Variants in PRUNE2 observed in about 807,000 individuals in gnomAD.
The protein encoded by PRUNE2 is protein prune homolog 2.
Under a neutral mutation model 252.0 loss-of-function variants are expected in PRUNE2, and 164 were observed. The observed-to-expected ratio is 0.65, with a 90% CI of 0.57 to 0.74. The LOEUF is 0.74. Among genes scored for constraint, PRUNE2 ranks in the 30% least tolerant of loss-of-function variants. The pLI, the probability that PRUNE2 is intolerant of heterozygous loss-of-function variation, is 0.00. For synonymous variants in PRUNE2, 1,292 were observed against 1,350.2 expected, an observed-to-expected ratio of 0.96 and a Z score of 0.94; for missense variants, 3,495 against 3,711.0, an observed-to-expected ratio of 0.94 and a Z score of 1.51.
chr9:76,707,437 T>G lies in PRUNE2; in HGVS notation c.4837A>C (p.Ser1613Arg). Residue 1613 changes from serine (S) to arginine (R), a missense_variant, in exon 8 of 19, where the codon AGC (serine) becomes CGC (arginine). Ser to Arg is a moderately radical substitution (Grantham distance 110, BLOSUM62 -1). Coordinates refer to ENST00000376718, the MANE Select transcript of PRUNE2 (RefSeq NM_015225.3). ...AATGTAGGAGTTTTGCGATCAAAGC[T>G]CTTTTCAAACTCATTTATTCTGTTT... The part of the protein sequence containing the change: ...EKNRINEFEK[S>R]FDRKTPTFLE... 6.2e-7 allele frequency: 1 copy of G among 1,613,962 alleles called. No individual in the cohort carries two copies. The highest frequency in any genetic ancestry group is 8.5e-7 in the Non-Finnish European group (1 of 1,179,874).
At chr9:76,835,006 T>C (rs2058879278) in intron 4 of PRUNE2, among the ~76,000 whole-genome samples, 1 of 152,178 alleles carries the variant, frequency 6.6e-6, no homozygotes, top group Non-Finnish European at 1.5e-5. Flanking sequence ...CCCCAAAGTA[T>C]CTTAGCTATT....
Position 76,850,440 on chromosome 9 carries a change from C to T in PRUNE2, c.344+23G>A, listed in dbSNP as rs566269988. ...GAACCTTCATTGAGGGATTAAACCTCAGAGCTTCACAGTGGATCTTACCTC... is the reference window on the plus strand; with the variant it reads ...GAACCTTCATTGAGGGATTAAACCTTAGAGCTTCACAGTGGATCTTACCTC... On this transcript the variant is annotated intron_variant, in intron 3 of 18. Transcript: ENST00000376718. 9 of 1,593,662 alleles carry T rather than the reference C, an allele frequency of 5.6e-6. No homozygotes were observed. In the African/African-American group the frequency reaches 9.4e-5, roughly 17 times the overall value.
intron 9 of PRUNE2, among the ~76,000 whole-genome samples, chr9:76,672,734 T>C: frequency 7.1e-6 from 1 of 140,842 alleles, no homozygotes; most frequent in Non-Finnish European, 1.5e-5. Flanking sequence ...AAACTAGAAC[T>C]CAGGATTAAG....
intron 9 of PRUNE2, chr9:76,687,566 C>A (rs1190560690): frequency 1.2e-5 from 4 of 339,932 alleles, no homozygotes; most frequent in Non-Finnish European, 2.4e-5. Context: ...AGTAATCTGC[C>A]TAGGGTTTCC....
At chr9:76,790,138 C>T (rs529422603) in intron 6 of PRUNE2, among the ~76,000 whole-genome samples, 1 of 152,212 alleles carries the variant, frequency 6.6e-6, no homozygotes, top group South Asian at 2.1e-4. Flanking sequence ...TCCTCTGAAC[C>T]CTCCAGGCTG....
At chr9:76,901,960 G>A (rs1232098045) in intron 1 of PRUNE2, among the ~76,000 whole-genome samples, 1 of 152,118 alleles carries the variant, frequency 6.6e-6, no homozygotes, top group Non-Finnish European at 1.5e-5. Context: ...ACCCAAGGCT[G>A]GCTCCTGACC....
intron 2 of PRUNE2, among the ~76,000 whole-genome samples, chr9:76,851,348 C>T (rs2059945486): frequency 6.6e-6 from 1 of 152,158 alleles, no homozygotes; most frequent in African/African-American, 2.4e-5. Flanking sequence ...GAGATCGAGA[C>T]CATCCTGGCT....
At chr9:76,762,614 C>T (rs1002055804) in intron 6 of PRUNE2, among the ~76,000 whole-genome samples, 1 of 152,162 alleles carries the variant, frequency 6.6e-6, no homozygotes, top group African/African-American at 2.4e-5. Flanking sequence ...TCCAAACTCT[C>T]CACGTTTCTT....
chr9:76,886,937 A>G (rs539432389), intron 1 of PRUNE2, among the ~76,000 whole-genome samples: 4 of 152,308 alleles, frequency 2.6e-5, no homozygotes, highest in African/African-American at 9.6e-5. Context: ...AGTAGTAGAA[A>G]TCATCCTCAT....
At chr9:76,691,848 A>T (rs1392311200) in intron 9 of PRUNE2, 2 of 533,244 alleles carry the variant, frequency 3.8e-6, no homozygotes, top group Non-Finnish European at 6.6e-6. Context: ...GGGCGGGGAC[A>T]GCATAACGAC....
intron 6 of PRUNE2, among the ~76,000 whole-genome samples, chr9:76,753,700 G>A (rs2050834910): frequency 6.6e-6 from 1 of 152,062 alleles, no homozygotes; most frequent in Non-Finnish European, 1.5e-5. Flanking sequence ...AGATCACGAG[G>A]TCAGGAGATC....
chr9:76,660,183 A>C, intron 9 of PRUNE2, among the ~76,000 whole-genome samples: 1 of 152,156 alleles, frequency 6.6e-6, no homozygotes, highest in Non-Finnish European at 1.5e-5. Flanking sequence ...TGGACACAGG[A>C]CTTAGGGTCT....
intron 6 of PRUNE2, among the ~76,000 whole-genome samples, chr9:76,748,375 G>A (rs746404232): frequency 3.3e-5 from 5 of 152,164 alleles, no homozygotes; most frequent in African/African-American, 4.8e-5. Context: ...GAGACTGGCC[G>A]GAAAGACAAC....
At chr9:76,624,317 T>G in intron 17 of PRUNE2, 135 bp downstream of exon 17, 1 of 509,488 alleles carries the variant, frequency 2.0e-6, no homozygotes, top group Non-Finnish European at 3.3e-6. Flanking sequence ...ACATCTATCA[T>G]AGGAGAAAGA....
chr9:76,627,083 A>G (rs1835119323), intron 16 of PRUNE2, among the ~76,000 whole-genome samples: 1 of 142,106 alleles, frequency 7.0e-6, no homozygotes. Flanking sequence ...GAGTGTTTCC[A>G]TACTTCTTCA....
At chr9:76,660,018 C>T (rs1850673522) in intron 9 of PRUNE2, among the ~76,000 whole-genome samples, 2 of 151,898 alleles carry the variant, frequency 1.3e-5, no homozygotes, top group Admixed American at 1.3e-4. Context: ...AGCCATGTAT[C>T]ATTAAAAATA....
intron 6 of PRUNE2, among the ~76,000 whole-genome samples, chr9:76,726,819 A>G (rs1045282126): frequency 6.6e-6 from 1 of 152,218 alleles, no homozygotes. Flanking sequence ...TATTAGTACC[A>G]TCTATGAGGC....
Position 76,802,478 on chromosome 9 carries a change from C to T in PRUNE2, c.756+21154G>A, listed in dbSNP as rs1333638789. Among the ~76,000 whole-genome samples the T allele has an allele frequency of 3.3e-5, 5 of 152,094 alleles. No homozygotes were observed. The South Asian group carries it at 6.2e-4, about 19-fold the overall frequency. ...TACCCTAACTTCTCACAACAGGCAG[C>T]GGAAAAATATCTCTGAACAGCATTG... On this transcript the variant is annotated intron_variant, in intron 6 of 18. Transcript: ENST00000376718.
intron 6 of PRUNE2, among the ~76,000 whole-genome samples, chr9:76,774,468 T>TATTTATTTATTTATTTATTTATTTATTTA (rs1564272983): frequency 6.9e-6 from 1 of 144,528 alleles, no homozygotes; most frequent in African/African-American, 2.5e-5. Flanking sequence ...TTTTTTTTTT[T>TATTTATTTATTTATTTATTTATTTATTTA]TTTTTTTTTG....
Sources: allele counts gnomAD v4.1 joint callset (sites outside exome capture counted in the v4.1 genomes callset), GRCh38; gene constraint gnomAD v4.1.1; transcripts MANE v1.5; gene names NCBI Gene and HGNC (gene_info 2026-07-23, HGNC 2026-07-21).